The following PSMD2 variants were observed in gnomAD, a reference collection of about 807,000 sequenced individuals.
PSMD2 encodes the protein proteasome 26S subunit ubiquitin receptor, non-ATPase 2.
In PSMD2, 8 loss-of-function variants were observed where a neutral mutation model predicts 101.5. The observed-to-expected ratio is 0.08, with a 90% CI of 0.05 to 0.14. The LOEUF is 0.14. Ranked by LOEUF, PSMD2 falls within the 10% of genes least tolerant of loss-of-function variation. The probability of loss-of-function intolerance (pLI) is 1.00; values close to 1 mark genes in which losing one functional copy is unlikely to be tolerated. For missense variants in PSMD2, 784 were observed against 1,147.4 expected, an observed-to-expected ratio of 0.68 and a Z score of 4.58; for synonymous variants, 418 against 433.8, an observed-to-expected ratio of 0.96 and a Z score of 0.45.
At position 184,299,878 on chromosome 3, in the gene PSMD2, G is replaced by A. The variant is rs1441720208; in HGVS notation, c.163G>A (p.Glu55Lys). 1 of 1,613,974 alleles carries A rather than the reference G, an allele frequency of 6.2e-7. No individual in the cohort carries two copies. The highest frequency in any genetic ancestry group is 8.5e-7 in the Non-Finnish European group (1 of 1,179,828). Residue 55 changes from glutamate to lysine, a missense_variant, in exon 2 of 21, where the codon GAA becomes AAA. Physicochemically the swap from Glu to Lys is moderately conservative, Grantham distance 56 (BLOSUM62 1). Transcript: ENST00000310118. ...LSEEDKQLQD[E>K]LEMLVERLGE... ...TGAAGAGGATAAACAGCTTCAAGAT[G>A]AACTGGAGATGCTCGTGGAACGACT... is the stretch of plus-strand genomic sequence containing the variant.
rs191306195 is a variant in PSMD2, at chr3:184,302,928, A to G, written c.1009-74A>G. ...TAGACTCTCCTTGATTAGAATTGCCATTCAGTGGGATAGCAGAAGGGACAG... is the reference window on the plus strand; with the variant it reads ...TAGACTCTCCTTGATTAGAATTGCCGTTCAGTGGGATAGCAGAAGGGACAG... On this transcript the variant is annotated intron_variant, in intron 7 of 20. Coordinates refer to ENST00000310118, the MANE Select transcript of PSMD2 (RefSeq NM_002808.5). 1.1e-3 allele frequency: 1,809 copies of G among 1,610,022 alleles called. 36 individuals carry two copies. In the Admixed American group the frequency reaches 0.028, roughly 25 times the overall value.
Position 184,304,428 on chromosome 3 carries a change from G to C in PSMD2, c.1539+37G>C. Reference sequence around the variant, plus strand: ...CTATTGAGCATTTAGAGTAAGTAGGGAAGGTGCTTTGAGTCTTACTTTCTG... The same window carrying C: ...CTATTGAGCATTTAGAGTAAGTAGGCAAGGTGCTTTGAGTCTTACTTTCTG... On this transcript the variant is annotated intron_variant, in intron 12 of 20. Coordinates refer to ENST00000310118, the MANE Select transcript of PSMD2 (RefSeq NM_002808.5). The surrounding 1 kb of genome is among the most constrained non-coding windows in gnomAD (Gnocchi z 4.1). 6.3e-7 allele frequency: 1 copy of C among 1,585,868 alleles called. No homozygotes were observed.
chr3:184,300,898 A>G (rs1415600999), intron 3 of PSMD2, among the ~76,000 whole-genome samples: 2 of 152,192 alleles, frequency 1.3e-5, no homozygotes, highest in Middle Eastern at 3.4e-3. Flanking sequence ...TGTAGCAGCT[A>G]TCGTGATCTT....
At chr3:184,307,228 C>T (rs1469346372) in intron 16 of PSMD2, 129 bp from the exon 17 acceptor site, 1 of 1,021,386 alleles carries the variant, frequency 9.8e-7, no homozygotes, top group Non-Finnish European at 1.4e-6. Flanking sequence ...CAGGCATGAG[C>T]CACCATGCCC....
chr3:184,300,263 T>C lies in PSMD2; in HGVS notation c.193-17T>C, dbSNP rs903933183. On this transcript the variant is annotated splice_polypyrimidine_tract_variant and intron_variant, in intron 2 of 20. Transcript: ENST00000310118. ...GTGTGACTCCTTTTTGTCTGAGCCCTGTCGTCTCTTGATCAGGAGAAGGAT... is the reference window on the plus strand; with the variant it reads ...GTGTGACTCCTTTTTGTCTGAGCCCCGTCGTCTCTTGATCAGGAGAAGGAT... 1.9e-6 allele frequency: 3 copies of C among 1,606,044 alleles called. No individual in the cohort carries two copies. In the African/African-American group the frequency reaches 4.0e-5, roughly 22 times the overall value.
At chr3:184,301,341 A>G (rs984876301) in intron 3 of PSMD2, among the ~76,000 whole-genome samples, 196 bp from the exon 4 acceptor site, 3 of 151,948 alleles carry the variant, frequency 2.0e-5, no homozygotes, top group African/African-American at 7.2e-5. Flanking sequence ...AGTCTCAAAA[A>G]AAAAAAAAAA....
chr3:184,302,858 TC>T, intron 7 of PSMD2, 35 bp downstream of exon 7: 2 of 1,613,558 alleles, frequency 1.2e-6, no homozygotes, highest in Non-Finnish European at 1.7e-6. Flanking sequence ...GGCCTTTTCG[TC>T]ATAATTCTAC....
chr3:184,308,418 C>CT lies in PSMD2; in HGVS notation c.2426-29dup. 1 of 1,554,208 alleles carries CT rather than the reference C, an allele frequency of 6.4e-7. No homozygotes were observed. The highest frequency in any genetic ancestry group is 8.8e-7 in the Non-Finnish European group (1 of 1,136,504). On this transcript the variant is annotated intron_variant, in intron 19 of 20. Transcript: ENST00000310118. The surrounding 1 kb of genome is among the most constrained non-coding windows in gnomAD (Gnocchi z 6.0). Reference sequence around the variant, plus strand: ...TCTGGCCAGGCCTGTCTTTTTGTCTCTTAACTTTTTGTCCTGTCTGCTTCC... The same window carrying CT: ...TCTGGCCAGGCCTGTCTTTTTGTCTCTTTAACTTTTTGTCCTGTCTGCTTCC...
At chr3:184,300,765 C>A in intron 3 of PSMD2, 1 of 661,564 alleles carries the variant, frequency 1.5e-6, no homozygotes, top group Non-Finnish European at 1.9e-6. Flanking sequence ...CACATTCAGT[C>A]ACTTCTCTGC....
Position 184,308,737 on chromosome 3 carries a change from G to A in PSMD2, c.2574G>A (p.Lys858=), listed in dbSNP as rs1560197734. 1 of 1,613,968 alleles carries A rather than the reference G, an allele frequency of 6.2e-7. No homozygotes were observed. The highest frequency in any genetic ancestry group is 8.5e-7 in the Non-Finnish European group (1 of 1,179,926). ...QAVDVVGQAG[K]PKTITGFQTH... The stretch of plus-strand genomic sequence containing the variant: ...TGGATGTGGTGGGCCAGGCTGGCAA[G>A]CCGAAGACTATCACAGGGTTCCAGA... The change falls in exon 21 of 21, where the codon AAG becomes AAA. Residue 858 remains lysine, a synonymous_variant. Transcript: ENST00000310118. This position sits in a 1 kb window ranked among gnomAD's most constrained non-coding sequence, Gnocchi z 6.0.
At position 184,306,093 on chromosome 3, in the gene PSMD2, A is replaced by G; in HGVS notation, c.1742A>G (p.Glu581Gly). 2.5e-6 allele frequency: 4 copies of G among 1,614,050 alleles called. No homozygotes were observed. The highest frequency in any genetic ancestry group is 3.4e-6 in the Non-Finnish European group (4 of 1,180,026). ...ATCGAGGCAATCCTGGCTGCACTGG[A>G]GGTTGTGTCAGAGCCATTCCGCAGT... ...EAIEAILAAL[E>G]VVSEPFRSFA... Residue 581 changes from glutamate to glycine, a missense_variant, in exon 14 of 21, where the codon GAG (glutamate) becomes GGG (glycine). This residue lies in a region of PSMD2 where 282 missense variants were observed against 437.6 expected (regional missense o/e 0.64). Coordinates refer to ENST00000310118, the MANE Select transcript of PSMD2 (RefSeq NM_002808.5).
chr3:184,304,477 AGT>A lies in PSMD2; in HGVS notation c.1539+92_1539+93del. On this transcript the variant is annotated intron_variant, in intron 12 of 20. Coordinates refer to ENST00000310118, the MANE Select transcript of PSMD2 (RefSeq NM_002808.5). This position sits in a 1 kb window ranked among gnomAD's most constrained non-coding sequence, Gnocchi z 4.1. ...TGTGATAAATAATGAAAAAGAAGTA[AGT>A]GTGTGCATGTGTGCATACATGTACA... The A allele has an allele frequency of 1.4e-6, 2 of 1,399,356 alleles. No homozygotes were observed. Among genetic ancestry groups the A allele is most frequent in the Non-Finnish European group, 2.0e-6 (2 of 987,880 alleles). The allele number at this position is 1,399,356 out of a possible 1,614,324, so 86.7% of individuals were successfully genotyped here. A position where few individuals can be genotyped will look rare whatever the true frequency, so the allele number is the denominator to read the frequency against.
At position 184,305,890 on chromosome 3, in the gene PSMD2, T is replaced by C. The variant is rs775213462; in HGVS notation, c.1662T>C (p.Tyr554=). 7.4e-5 allele frequency: 120 copies of C among 1,614,120 alleles called. No individual in the cohort carries two copies. The highest frequency in any genetic ancestry group is 9.1e-5 in the Non-Finnish European group (107 of 1,180,050). The change falls in exon 13 of 21, where the codon TAT becomes TAC. Residue 554 remains tyrosine, a synonymous_variant. Coordinates refer to ENST00000310118, the MANE Select transcript of PSMD2 (RefSeq NM_002808.5). The part of the protein sequence containing the change: ...EKSETELKDT[Y]ARWLPLGLGL... ...CAGAGACTGAGCTCAAGGATACTTA[T>C]GCTCGTTGGCTTCCTCTTGGACTGG...
At position 184,304,563 on chromosome 3, in the gene PSMD2, T is replaced by G. The variant is rs1721765219; in HGVS notation, c.1539+172T>G. Among the ~76,000 whole-genome samples, 1 of 152,216 alleles carries G rather than the reference T, an allele frequency of 6.6e-6. No homozygotes were observed. Among genetic ancestry groups the G allele is most frequent in the Non-Finnish European group, 1.5e-5 (1 of 68,044 alleles). ...AGTGAAACCCCTTGATCTGGGATTC[T>G]AAGCCTCTGGTGGTTTTAAGGCTAA... is the stretch of plus-strand genomic sequence containing the variant. On this transcript the variant is annotated intron_variant, in intron 12 of 20. Coordinates refer to ENST00000310118, the MANE Select transcript of PSMD2 (RefSeq NM_002808.5). The surrounding 1 kb of genome is among the most constrained non-coding windows in gnomAD (Gnocchi z 4.1).
intron 3 of PSMD2, 170 bp downstream of exon 3, chr3:184,300,614 G>T: frequency 7.1e-7 from 1 of 1,412,164 alleles, no homozygotes. Context: ...AGGAAGGTCA[G>T]CTTCTCAGAA....
rs954487378 is a variant in PSMD2 at position 184,304,586 on chromosome 3, T to C, written c.1539+195T>C. On this transcript the variant is annotated intron_variant, in intron 12 of 20. Transcript: ENST00000310118. This position sits in a 1 kb window ranked among gnomAD's most constrained non-coding sequence, Gnocchi z 4.1. ...TCTAAGCCTCTGGTGGTTTTAAGGC[T>C]AAAGAGTTAACATTTTAGGCCTGGC... Among the ~76,000 whole-genome samples the C allele has an allele frequency of 3.9e-5, 6 of 152,194 alleles. No homozygotes were observed. The highest frequency in any genetic ancestry group is 1.4e-4 in the African/African-American group (6 of 41,444).
rs1187817891 is a variant in PSMD2 at position 184,304,149 on chromosome 3, C to G, written c.1451+75C>G. On this transcript the variant is annotated intron_variant, in intron 11 of 20. Coordinates refer to ENST00000310118, the MANE Select transcript of PSMD2 (RefSeq NM_002808.5). The surrounding 1 kb of genome is among the most constrained non-coding windows in gnomAD (Gnocchi z 4.1). Reference sequence around the variant, plus strand: ...GAGAACAGGAACTGGGCCCTTTTCACCCATATTGCCAAGGGCTACCACTGT... The same window carrying G: ...GAGAACAGGAACTGGGCCCTTTTCAGCCATATTGCCAAGGGCTACCACTGT... 1 of 1,589,314 alleles carries G rather than the reference C, an allele frequency of 6.3e-7. No individual in the cohort carries two copies. Among genetic ancestry groups the G allele is most frequent in the African/African-American group, 1.3e-5 (1 of 74,318 alleles).
intron 3 of PSMD2, 68 bp downstream of exon 3, chr3:184,300,512 C>G: frequency 6.4e-7 from 1 of 1,554,680 alleles, no homozygotes; most frequent in Non-Finnish European, 8.7e-7. Context: ...CATGGGGGGA[C>G]TCATTGTGAG....
At chr3:184,303,148 T>C (rs1721704552) in intron 8 of PSMD2, 86 bp downstream of exon 8, 1 of 1,525,530 alleles carries the variant, frequency 6.6e-7, no homozygotes, top group Non-Finnish European at 9.1e-7. Context: ...AACATGCTTA[T>C]CCTATCGAGC....
Sources: gnomAD v4.1 joint callset for allele counts (sites outside exome capture counted in the v4.1 genomes callset) on GRCh38, gnomAD v4.1.1 for gene constraint, gnomAD v4.1.1 regional missense constraint, Gnocchi (gnomAD v3.1) non-coding constraint, MANE v1.5 for transcripts, NCBI Gene and HGNC (gene_info 2026-07-23, HGNC 2026-07-21) for gene names.